AIFM1: variants seen among roughly 807,000 people sequenced by gnomAD.
The protein encoded by AIFM1 is apoptosis inducing factor mitochondria associated 1, also known as apoptosis-inducing factor 1, mitochondrial.
In AIFM1, 3 loss-of-function variants were observed where a neutral mutation model predicts 51.7. That is an observed-to-expected ratio of 0.06 (90% CI 0.03 to 0.15). AIFM1 has a LOEUF of 0.15. AIFM1 is among the 10% of genes least tolerant of loss of function. The pLI, the probability that AIFM1 is intolerant of heterozygous loss-of-function variation, is 1.00. For missense variants in AIFM1, 330 were observed against 476.8 expected, an observed-to-expected ratio of 0.69 and a Z score of 2.87; for synonymous variants, 178 against 179.4, an observed-to-expected ratio of 0.99 and a Z score of 0.06.
intron 12 of AIFM1, 91 bp from the exon 13 acceptor site, chrX:130,133,546 C>T (rs773190111): frequency 4.1e-5 from 43 of 1,046,890 alleles, no homozygotes; most frequent in Non-Finnish European, 5.5e-5. Flanking sequence ...TCAAAGAACA[C>T]TTGTAATGGT....
At chrX:130,148,613 C>T (rs1422265277) in intron 3 of AIFM1, among the ~76,000 whole-genome samples, 1 of 110,095 alleles carries the variant, frequency 9.1e-6, no homozygotes, top group African/African-American at 3.3e-5. Context: ...GCAGGCGGAT[C>T]ACCTGAGGTC....
At chrX:130,149,004 C>T (rs1310012945) in intron 3 of AIFM1, among the ~76,000 whole-genome samples, 2 of 103,035 alleles carry the variant, frequency 1.9e-5, no homozygotes, top group East Asian at 3.1e-4. Flanking sequence ...TCACTGCAAC[C>T]TCCGCCACTT....
intron 9 of AIFM1, chrX:130,137,428 T>G: frequency 8.6e-7 from 1 of 1,164,049 alleles, no homozygotes. Context: ...GTGAACTCTG[T>G]GCACTTCCAC....
In AIFM1 at chrX:130,149,530, A is replaced by G. The variant is rs1271425491; in HGVS notation, c.288T>C (p.Asn96=). The G allele has an allele frequency of 1.7e-6, 2 of 1,209,440 alleles. No homozygotes were observed. Among genetic ancestry groups the G allele is most frequent in the South Asian group, 1.8e-5 (1 of 56,846 alleles). ...KTMKEDEKRY[N]ERISGLGLTP... ...TCAGCCCTAACCCTGAAATTCTTTC[A>G]TTGTATCTTTTTTCATCCTCTTTCA... Residue 96 remains asparagine, a synonymous_variant, in exon 3 of 16, where the codon AAT becomes AAC. Transcript: ENST00000287295.
At chrX:130,137,824 T>C (rs1321402148) in intron 9 of AIFM1, 1 of 814,171 alleles carries the variant, frequency 1.2e-6, no homozygotes, top group Non-Finnish European at 1.5e-6. Flanking sequence ...GCACTTTGGG[T>C]GGCCGAGGTG....
intron 13 of AIFM1, 77 bp from the exon 14 acceptor site, chrX:130,131,876 CA>C (rs781342628): frequency 1.1e-5 from 12 of 1,109,638 alleles, no homozygotes; most frequent in African/African-American, 9.2e-5. Flanking sequence ...CATGACACTG[CA>C]TTTTTTTTTT....
intron 2 of AIFM1, among the ~76,000 whole-genome samples, chrX:130,154,333 C>T (rs2031095245): frequency 8.9e-6 from 1 of 112,148 alleles, no homozygotes; most frequent in Non-Finnish European, 1.9e-5. Context: ...AACTCTGGTA[C>T]AGCAACACGG....
chrX:130,137,214 C>T (rs2030383353), intron 9 of AIFM1, 29 bp from the exon 10 acceptor site: 5 of 1,208,230 alleles, frequency 4.1e-6, no homozygotes, highest in Admixed American at 2.2e-5. Flanking sequence ...GTAGTTACAG[C>T]AGGAAGCAAA....
At chrX:130,135,193 C>T (rs2030275356) in intron 12 of AIFM1, among the ~76,000 whole-genome samples, 1 of 109,060 alleles carries the variant, frequency 9.2e-6, no homozygotes, top group Non-Finnish European at 1.9e-5. Flanking sequence ...AGTGATTCTC[C>T]TGCCTCACTC....
intron 2 of AIFM1, among the ~76,000 whole-genome samples, chrX:130,152,135 G>GA (rs1189455759): frequency 1.8e-5 from 2 of 110,147 alleles, no homozygotes; most frequent in South Asian, 3.8e-4. Flanking sequence ...AAAAAGAAAA[G>GA]AAAAAAAAGA....
intron 6 of AIFM1, among the ~76,000 whole-genome samples, chrX:130,141,614 T>C (rs961549742): frequency 1.1e-4 from 12 of 111,377 alleles, no homozygotes; most frequent in African/African-American, 3.6e-4. Flanking sequence ...TTCTTGAGGT[T>C]ACTGGTCTGC....
At chrX:130,130,230 T>C (rs1161989612) in intron 14 of AIFM1, 64 bp from the exon 15 acceptor site, 8 of 1,160,456 alleles carry the variant, frequency 6.9e-6, no homozygotes, top group Non-Finnish European at 9.4e-6. Context: ...TATTATGAGC[T>C]TGGGAAATTC....
chrX:130,129,863 T>A, intron 15 of AIFM1, 107 bp downstream of exon 15: 2 of 1,009,141 alleles, frequency 2.0e-6, no homozygotes, highest in Admixed American at 4.4e-5. Context: ...TCAGGCACAA[T>A]TTGACCTGGC....
chrX:130,131,749 C>T lies in AIFM1; in HGVS notation c.1499G>A (p.Ser500Asn). 1.7e-6 allele frequency: 2 copies of T among 1,211,700 alleles called. No homozygotes were observed. Among genetic ancestry groups the T allele is most frequent in the Non-Finnish European group, 2.2e-6 (2 of 895,048 alleles). Residue 500 changes from serine to asparagine, a missense_variant, in exon 14 of 16, where the codon AGT (serine) becomes AAT (asparagine). By Grantham distance (46) the Ser-to-Asn change is conservative. Transcript: ENST00000287295. ...AAAAACACCAACTGTGGGCAAACTA[C>T]TGTCCACAAGACCAATAGCTTCATA... Reference protein sequence around the residue: ...VGYEAIGLVDSSLPTVGVFAK... With the variant: ...VGYEAIGLVDNSLPTVGVFAK...
At chrX:130,133,739 C>T (rs1357215337) in intron 12 of AIFM1, among the ~76,000 whole-genome samples, 2 of 109,814 alleles carry the variant, frequency 1.8e-5, no homozygotes, top group Non-Finnish European at 3.8e-5. Flanking sequence ...ATGATCCTCC[C>T]GCCTCAGCCT....
At chrX:130,164,708 T>C (rs1007015615) in intron 1 of AIFM1, among the ~76,000 whole-genome samples, 1 of 111,822 alleles carries the variant, frequency 8.9e-6, no homozygotes, top group African/African-American at 3.3e-5. Flanking sequence ...TCTTAACTTT[T>C]TGAGGTCAAC....
chrX:130,153,792 C>A (rs1043534294), intron 2 of AIFM1, among the ~76,000 whole-genome samples: 2 of 111,729 alleles, frequency 1.8e-5, no homozygotes, highest in African/African-American at 6.5e-5. Flanking sequence ...AGAGCCCTCA[C>A]CAGAAACTGA....
At chrX:130,151,235 G>T (rs1210881848) in intron 2 of AIFM1, among the ~76,000 whole-genome samples, 1 of 108,750 alleles carries the variant, frequency 9.2e-6, no homozygotes, top group African/African-American at 3.4e-5. Flanking sequence ...CTGCCTCCTG[G>T]GTTCAAGCGA....
chrX:130,157,404 T>C (rs1483619199), intron 1 of AIFM1, among the ~76,000 whole-genome samples: 1 of 112,030 alleles, frequency 8.9e-6, no homozygotes, highest in Non-Finnish European at 1.9e-5. Context: ...CAGTCTCTGA[T>C]TATTCTGTGA....
Sources: gnomAD v4.1 joint callset for allele counts (sites outside exome capture counted in the v4.1 genomes callset) on GRCh38, gnomAD v4.1.1 for gene constraint, MANE v1.5 for transcripts, NCBI Gene and HGNC (gene_info 2026-07-23, HGNC 2026-07-21) for gene names.